Variants in APLN observed in about 807,000 individuals in gnomAD.
APLN encodes the protein apelin, also known as AGTRL1 ligand.
Under a neutral mutation model 4.3 loss-of-function variants are expected in APLN, and 2 were observed. That is an observed-to-expected ratio of 0.46 (90% CI 0.19 to 1.45). The LOEUF (loss-of-function observed/expected upper bound fraction) is 1.45, where lower values mean the gene tolerates loss of function less well. Among genes scored for constraint, APLN ranks in the 40% most tolerant of loss-of-function variants. APLN has a pLI of 0.25. For missense variants in APLN, 80 were observed against 70.0 expected, an observed-to-expected ratio of 1.14 and a Z score of -0.51; for synonymous variants, 34 against 30.4, an observed-to-expected ratio of 1.12 and a Z score of -0.38.
intron 1 of APLN, 77 bp downstream of exon 1, chrX:129,654,487 C>T (rs1772794243): frequency 3.0e-6 from 3 of 997,549 alleles, no homozygotes; most frequent in African/African-American, 2.0e-5. Context: ...CCCCGGGAGG[C>T]GGGGAGAGTG....
intron 1 of APLN, among the ~76,000 whole-genome samples, chrX:129,649,634 G>A (rs112971449): frequency 8.9e-6 from 1 of 111,813 alleles, no homozygotes; most frequent in Admixed American, 9.4e-5. Flanking sequence ...CAGGAGGGGG[G>A]TGGGCTGTTG....
At chrX:129,651,144 T>C (rs1457558330) in intron 1 of APLN, among the ~76,000 whole-genome samples, 1 of 110,209 alleles carries the variant, frequency 9.1e-6, no homozygotes, top group Non-Finnish European at 1.9e-5. Context: ...GGTTGGTGGC[T>C]CTGGCCAGGA....
At position 129,648,658 on chromosome X, in the gene APLN, G is replaced by T; in HGVS notation, c.202C>A (p.Arg68Ser). The change falls in exon 2 of 3, where the codon CGC becomes AGC. Residue 68 changes from arginine (R) to serine (S), a missense_variant. Coordinates refer to ENST00000429967, the MANE Select transcript of APLN (RefSeq NM_017413.5). ...GRRKFRRQRPRLSHKGPMPF is the reference protein window; with the variant it reads ...GRRKFRRQRPSLSHKGPMPF Reference sequence around the variant, plus strand: ...GGCATGGGTCCCTTATGGGAGAGGCGGGGCCGCTGGCGGCGGAATTTCCTC... The same window carrying T: ...GGCATGGGTCCCTTATGGGAGAGGCTGGGCCGCTGGCGGCGGAATTTCCTC... 8.4e-7 allele frequency: 1 copy of T among 1,196,940 alleles called. No individual in the cohort carries two copies. The highest frequency in any genetic ancestry group is 3.0e-5 in the East Asian group (1 of 33,194).
intron 1 of APLN, among the ~76,000 whole-genome samples, chrX:129,652,541 A>T (rs1423811455): frequency 8.9e-6 from 1 of 112,429 alleles, no homozygotes; most frequent in African/African-American, 3.2e-5. Context: ...TTCCAGGGAC[A>T]TGCCCTTCCT....
intron 1 of APLN, among the ~76,000 whole-genome samples, chrX:129,654,000 G>C (rs190224032): frequency 2.7e-5 from 3 of 112,434 alleles, no homozygotes; most frequent in African/African-American, 9.7e-5. Context: ...CATGCAGGCC[G>C]AAAGGAGCAA....
chrX:129,647,552 C>T lies in APLN; in HGVS notation c.*371G>A. 1 of 922,463 alleles carries T rather than the reference C, an allele frequency of 1.1e-6. No homozygotes were observed. The highest frequency in any genetic ancestry group is 3.4e-5 in the Admixed American group (1 of 29,527). 76.0% of individuals were successfully genotyped at this position (922,463 alleles called of 1,213,427 possible). On this transcript the variant is annotated 3_prime_UTR_variant, in exon 3 of 3. Transcript: ENST00000429967. The stretch of plus-strand genomic sequence containing the variant: ...CAGAAGGGAGCACTTCCACCCCGCG[C>T]TCAGGGCAGACATGAGGAAGGAAGG...
chrX:129,654,380 C>T (rs1307737207), intron 1 of APLN, among the ~76,000 whole-genome samples, 184 bp downstream of exon 1: 1 of 113,257 alleles, frequency 8.8e-6, no homozygotes, highest in African/African-American at 3.2e-5. Context: ...AAGAAGCAGT[C>T]CTTGTGGCCA....
chrX:129,649,958 G>A (rs1936968827), intron 1 of APLN, among the ~76,000 whole-genome samples: 1 of 111,571 alleles, frequency 9.0e-6, no homozygotes, highest in Non-Finnish European at 1.9e-5. Flanking sequence ...CCCAAGACAA[G>A]CCTGGCTGGT....
rs1936935152 is a variant in APLN at position 129,645,740 on chromosome X, G to T, written c.*2183C>A. The T allele has an allele frequency of 8.9e-6, 1 of 112,245 alleles. No homozygotes were observed. The highest frequency in any genetic ancestry group is 9.4e-5 in the Admixed American group (1 of 10,591). 9.3% of individuals were successfully genotyped at this position (112,245 alleles called of 1,213,427 possible). A position where few individuals can be genotyped will look rare whatever the true frequency, so the allele number is the denominator to read the frequency against. On this transcript the variant is annotated 3_prime_UTR_variant, in exon 3 of 3. Transcript: ENST00000429967. ...TGCACGTGCAATATGTGGGCATGGG[G>T]ACACCCATGACCCCCAGGGGAAAGG...
rs999226507 is a variant in APLN, at chrX:129,647,468, C to T, written c.*455G>A. ...TCTCCTTGCTTTTCTCTGCATTCTT[C>T]CCTGGAGGCCAGGTGAGGGGTCCAA... On this transcript the variant is annotated 3_prime_UTR_variant, in exon 3 of 3. Coordinates refer to ENST00000429967, the MANE Select transcript of APLN (RefSeq NM_017413.5). 4.8e-6 allele frequency: 2 copies of T among 418,643 alleles called. No individual in the cohort carries two copies. The highest frequency in any genetic ancestry group is 1.0e-3 in the Middle Eastern group (1 of 982). The allele number at this position is 418,643 out of a possible 1,213,427, so 34.5% of individuals were successfully genotyped here. A position where few individuals can be genotyped will look rare whatever the true frequency, so the allele number is the denominator to read the frequency against.
In APLN at chrX:129,646,447, T is replaced by G. The variant is rs1296100165; in HGVS notation, c.*1476A>C. 3 of 112,426 alleles carry G rather than the reference T, an allele frequency of 2.7e-5. No individual in the cohort carries two copies. Among genetic ancestry groups the G allele is most frequent in the African/African-American group, 9.7e-5 (3 of 30,906 alleles). The allele number at this position is 112,426 out of a possible 1,213,427, so 9.3% of individuals were successfully genotyped here. ...ATGGCCCCTCACGGAAGCTAGGGCC[T>G]CCCGGGGAGAGGGTGCTATTCCTGC... On this transcript the variant is annotated 3_prime_UTR_variant, in exon 3 of 3. Transcript: ENST00000429967.
Position 129,645,907 on chromosome X carries a change from C to T in APLN, c.*2016G>A, listed in dbSNP as rs1936936314. 1 of 112,560 alleles carries T rather than the reference C, an allele frequency of 8.9e-6. No homozygotes were observed. The highest frequency in any genetic ancestry group is 1.9e-5 in the Non-Finnish European group (1 of 53,233). The allele number at this position is 112,560 out of a possible 1,213,427, so 9.3% of individuals were successfully genotyped here. A position where few individuals can be genotyped will look rare whatever the true frequency, so the allele number is the denominator to read the frequency against. On this transcript the variant is annotated 3_prime_UTR_variant, in exon 3 of 3. Coordinates refer to ENST00000429967, the MANE Select transcript of APLN (RefSeq NM_017413.5). ...GGAACAATTTCTTAATGAACAGGGC[C>T]TTAATATCTTTGTATAAATTAGTAT...
intron 1 of APLN, among the ~76,000 whole-genome samples, chrX:129,654,105 G>C (rs1378210038): frequency 1.8e-5 from 2 of 113,166 alleles, no homozygotes; most frequent in Admixed American, 9.2e-5. Context: ...GGTTTCCCGC[G>C]CCCCTGGACT....
rs745968942 is a variant in APLN at position 129,650,256 on chromosome X, C to T, written c.68-1464G>A. 3.6e-5 allele frequency among the ~76,000 whole-genome samples: 4 copies of T among 111,058 alleles called. No individual in the cohort carries two copies. In the East Asian group the frequency reaches 1.1e-3, roughly 31 times the overall value. On this transcript the variant is annotated intron_variant, in intron 1 of 2. Transcript: ENST00000429967. ...TCATACCCCTGGCAGCTCCCCCTTCCCCTCTGCCTCTGCCTCCAACATCCC... is the reference window on the plus strand; with the variant it reads ...TCATACCCCTGGCAGCTCCCCCTTCTCCTCTGCCTCTGCCTCCAACATCCC...
In APLN at chrX:129,645,337, TACAA is replaced by T. The variant is rs944456530; in HGVS notation, c.*2582_*2585del. 2.7e-5 allele frequency: 3 copies of T among 112,615 alleles called. No homozygotes were observed. The highest frequency in any genetic ancestry group is 3.7e-5 in the Non-Finnish European group (2 of 53,389). 9.3% of individuals were successfully genotyped at this position (112,615 alleles called of 1,213,427 possible). A position where few individuals can be genotyped will look rare whatever the true frequency, so the allele number is the denominator to read the frequency against. On this transcript the variant is annotated 3_prime_UTR_variant, in exon 3 of 3. Transcript: ENST00000429967. The stretch of plus-strand genomic sequence containing the variant: ...CTCTACTTTGTGAAACATAAAATGA[TACAA>T]ACAAAGTCATTATCAAATGTATTTA...
intron 1 of APLN, among the ~76,000 whole-genome samples, chrX:129,651,134 G>T (rs935656901): frequency 1.2e-5 from 1 of 86,619 alleles, no homozygotes; most frequent in African/African-American, 8.5e-5. Flanking sequence ...TGGGGAGCAG[G>T]GTTGGTGGCT....
chrX:129,651,043 G>C (rs1936975769), intron 1 of APLN, among the ~76,000 whole-genome samples: 1 of 103,721 alleles, frequency 9.6e-6, no homozygotes, highest in Non-Finnish European at 1.9e-5. Flanking sequence ...GGTGCCAGGA[G>C]GGGGAGGGCA....
At chrX:129,652,732 G>A (rs930943603) in intron 1 of APLN, among the ~76,000 whole-genome samples, 2 of 112,313 alleles carry the variant, frequency 1.8e-5, no homozygotes, top group African/African-American at 3.2e-5. Context: ...CATGGTGTTC[G>A]GGCATCCTGG....
chrX:129,651,901 C>T (rs5977128), intron 1 of APLN, among the ~76,000 whole-genome samples: 4,833 of 111,977 alleles, frequency 0.043, 208 homozygotes, highest in African/African-American at 0.13. Context: ...TGCCCAGCCC[C>T]CCATCCCAGT....
Sources: gnomAD v4.1 joint callset for allele counts (sites outside exome capture counted in the v4.1 genomes callset) on GRCh38, gnomAD v4.1.1 for gene constraint, MANE v1.5 for transcripts, NCBI Gene and HGNC (gene_info 2026-07-23, HGNC 2026-07-21) for gene names.